AMPH: variants seen among roughly 807,000 people sequenced by gnomAD.
AMPH encodes the protein amphiphysin (Stiff-Mann syndrome with breast cancer 128kD autoantigen).
Under a neutral mutation model 99.1 loss-of-function variants are expected in AMPH, and 49 were observed. The observed-to-expected ratio is 0.49, with a 90% CI of 0.39 to 0.63. AMPH has a LOEUF of 0.63. AMPH is among the 20% of genes least tolerant of loss of function. The pLI, the probability that AMPH is intolerant of heterozygous loss-of-function variation, is 0.00. For synonymous variants in AMPH, 314 were observed against 317.3 expected (o/e 0.99, Z 0.11); for missense variants, 759 against 863.4 (o/e 0.88, Z 1.52).
chr7:38,571,281 T>TATATATTTATATACAGAA (rs1562835247), intron 1 of AMPH, among the ~76,000 whole-genome samples: 3 of 44,084 alleles, frequency 6.8e-5, no homozygotes, highest in African/African-American at 2.6e-4. Context: ...ATATATATTT[T>TATATATTTATATACAGAA]TATATATATT....
At chr7:38,615,262 C>T (rs1385322495) in intron 1 of AMPH, among the ~76,000 whole-genome samples, 3 of 152,128 alleles carry the variant, frequency 2.0e-5, no homozygotes, top group Admixed American at 1.3e-4. Context: ...AGGTTCACTA[C>T]GAGGGTGAAA....
chr7:38,536,436 T>C (rs1214907070), intron 1 of AMPH, among the ~76,000 whole-genome samples: 1 of 152,112 alleles, frequency 6.6e-6, no homozygotes, highest in Non-Finnish European at 1.5e-5. Context: ...TAAGTCAGAG[T>C]TCATGCAGAT....
At chr7:38,419,155 A>T (rs1391591264) in intron 16 of AMPH, among the ~76,000 whole-genome samples, 1 of 152,174 alleles carries the variant, frequency 6.6e-6, no homozygotes, top group Non-Finnish European at 1.5e-5. Context: ...AGAAATCAGT[A>T]ACTTCTATCC....
intron 15 of AMPH, among the ~76,000 whole-genome samples, chr7:38,425,046 A>G (rs1158102393): frequency 1.3e-5 from 2 of 152,234 alleles, no homozygotes; most frequent in Non-Finnish European, 2.9e-5. Context: ...ATTAATATAT[A>G]TGTAGGACAT....
At chr7:38,580,822 T>C (rs1792426475) in intron 1 of AMPH, among the ~76,000 whole-genome samples, 1 of 152,198 alleles carries the variant, frequency 6.6e-6, no homozygotes, top group Non-Finnish European at 1.5e-5. Context: ...ACTTTGTAGG[T>C]ATAAGTCTGT....
chr7:38,576,599 T>C (rs545221317), intron 1 of AMPH, among the ~76,000 whole-genome samples: 15 of 152,278 alleles, frequency 9.9e-5, no homozygotes, highest in South Asian at 2.1e-4. Flanking sequence ...TCATGATCTT[T>C]GTCTTATTTA....
chr7:38,586,252 C>T (rs1244379863), intron 1 of AMPH, among the ~76,000 whole-genome samples: 1 of 152,140 alleles, frequency 6.6e-6, no homozygotes, highest in Admixed American at 6.5e-5. Flanking sequence ...AACCGTTTAC[C>T]CAGCTTCAAC....
chr7:38,514,737 C>T (rs547117124), intron 2 of AMPH, among the ~76,000 whole-genome samples: 5 of 152,314 alleles, frequency 3.3e-5, no homozygotes, highest in South Asian at 2.1e-4. Flanking sequence ...GCTGATGCCA[C>T]GCCCTTGGTC....
chr7:38,583,607 G>A (rs1792544237), intron 1 of AMPH, among the ~76,000 whole-genome samples: 1 of 152,128 alleles, frequency 6.6e-6, no homozygotes, highest in Non-Finnish European at 1.5e-5. Flanking sequence ...ATTCTATCAG[G>A]TATTTATTTC....
At chr7:38,465,229 GAGAGAGGC>G (rs1787604853) in intron 9 of AMPH, among the ~76,000 whole-genome samples, 1 of 152,168 alleles carries the variant, frequency 6.6e-6, no homozygotes, top group African/African-American at 2.4e-5. Context: ...ATGGAAAGCA[GAGAGAGGC>G]AGAGAGGCAG....
At chr7:38,429,670 A>C in intron 14 of AMPH, 172 bp downstream of exon 14, 3 of 1,331,250 alleles carry the variant, frequency 2.3e-6, no homozygotes, top group Non-Finnish European at 3.0e-6. Context: ...AAAGCTCTTC[A>C]GGCGAGTAGC....
At chr7:38,609,620 A>G (rs1436897753) in intron 1 of AMPH, among the ~76,000 whole-genome samples, 1 of 152,230 alleles carries the variant, frequency 6.6e-6, no homozygotes, top group Non-Finnish European at 1.5e-5. Context: ...AAGCAGAAAG[A>G]TCTGGATCTA....
At chr7:38,629,805 G>C (rs992108312) in intron 1 of AMPH, among the ~76,000 whole-genome samples, 4 of 152,168 alleles carry the variant, frequency 2.6e-5, no homozygotes, top group African/African-American at 9.7e-5. Flanking sequence ...GCTACTTTCT[G>C]CACAAGTAAC....
chr7:38,468,593 T>A (rs17171374), intron 7 of AMPH, among the ~76,000 whole-genome samples: 5,217 of 152,310 alleles, frequency 0.034, 183 homozygotes, highest in South Asian at 0.2. Context: ...AGCATGTATT[T>A]AATTAGGATA....
chr7:38,419,295 G>T (rs1785501685), intron 16 of AMPH, among the ~76,000 whole-genome samples: 1 of 152,010 alleles, frequency 6.6e-6, no homozygotes, highest in African/African-American at 2.4e-5. Context: ...AATATGAATA[G>T]CCTAGTGTTG....
chr7:38,608,255 C>T lies in AMPH; in HGVS notation c.69+23028G>A, dbSNP rs137950659. Among the ~76,000 whole-genome samples, 112 of 152,274 alleles carry T rather than the reference C, an allele frequency of 7.4e-4. 2 individuals carry two copies. The East Asian group carries it at 0.019, about 26-fold the overall frequency. ...ATTGTGAGTATCTGAGCACGGCTCCCGGTCAGCTTTCCCAGGTGCAGCTTC... is the reference window on the plus strand; with the variant it reads ...ATTGTGAGTATCTGAGCACGGCTCCTGGTCAGCTTTCCCAGGTGCAGCTTC... On this transcript the variant is annotated intron_variant, in intron 1 of 20. Transcript: ENST00000356264.
intron 2 of AMPH, among the ~76,000 whole-genome samples, chr7:38,532,687 T>C (rs1790451651): frequency 6.6e-6 from 1 of 151,690 alleles, no homozygotes; most frequent in Non-Finnish European, 1.5e-5. Context: ...TGCACTTTTC[T>C]CTAGTACCTT....
intron 1 of AMPH, among the ~76,000 whole-genome samples, chr7:38,588,344 G>A (rs76811216): frequency 0.017 from 2,544 of 151,952 alleles, 61 homozygotes; most frequent in African/African-American, 0.051. Flanking sequence ...GTTCTGCATC[G>A]CTCTCTCAAT....
At chr7:38,392,819 T>A (rs1449013153) in intron 18 of AMPH, 1 of 152,300 alleles carries the variant, frequency 6.6e-6, no homozygotes, top group Non-Finnish European at 1.5e-5. Flanking sequence ...CTGATGAAGA[T>A]CCAGCCGGGG....
Sources: gnomAD v4.1 joint callset for allele counts (sites outside exome capture counted in the v4.1 genomes callset) on GRCh38, gnomAD v4.1.1 for gene constraint, MANE v1.5 for transcripts, NCBI Gene and HGNC (gene_info 2026-07-23, HGNC 2026-07-21) for gene names.